The following ELAVL4 variants were observed in gnomAD, a reference collection of about 807,000 sequenced individuals.
ELAVL4 encodes ELAV like RNA binding protein 4, also known as ELAV-like protein 4.
Under a neutral mutation model 35.6 loss-of-function variants are expected in ELAVL4, and 1 was observed. The ratio of observed to expected loss-of-function variants is 0.03; its 90% CI spans 0.01 to 0.13. ELAVL4 has a LOEUF of 0.13. ELAVL4 is among the 10% of genes least tolerant of loss of function. The probability of loss-of-function intolerance (pLI) is 1.00; values close to 1 mark genes in which losing one functional copy is unlikely to be tolerated. For synonymous variants in ELAVL4, 156 were observed against 171.0 expected, an observed-to-expected ratio of 0.91 and a Z score of 0.69; for missense variants, 267 against 464.9, an observed-to-expected ratio of 0.57 and a Z score of 3.91.
chr1:50,104,160 CTT>C (rs1016511865), upstream of ELAVL4, among the ~76,000 whole-genome samples: 23 of 152,282 alleles, frequency 1.5e-4, no homozygotes, highest in Admixed American at 7.2e-4. Flanking sequence ...GTGGTTTTCT[CTT>C]CTCTCTCCCC....
intron 1 of ELAVL4, among the ~76,000 whole-genome samples, chr1:50,054,439 G>GT (rs1191335245): frequency 6.6e-6 from 1 of 152,028 alleles, no homozygotes; most frequent in Non-Finnish European, 1.5e-5. Context: ...TCCCTTTTCT[G>GT]TTTGATTTTT....
At chr1:50,106,201 G>C (rs1666291533), upstream of ELAVL4, 4 of 948,358 alleles carry the variant, frequency 4.2e-6, no homozygotes, top group Non-Finnish European at 6.5e-6. Context: ...CGCGGAGTAG[G>C]TAGTTATTAA....
chr1:50,094,067 A>ACAC (rs1466403933), intron 1 of ELAVL4, among the ~76,000 whole-genome samples: 4 of 152,200 alleles, frequency 2.6e-5, no homozygotes, highest in African/African-American at 9.6e-5. Flanking sequence ...TATTGTCTGA[A>ACAC]AGCACTTTGC....
chr1:50,173,368 T>C (rs1410356917), intron 2 of ELAVL4, among the ~76,000 whole-genome samples: 1 of 152,234 alleles, frequency 6.6e-6, no homozygotes, highest in African/African-American at 2.4e-5. Context: ...AAAAACCTGT[T>C]TAATTCAAAA....
intron 2 of ELAVL4, among the ~76,000 whole-genome samples, chr1:50,158,211 G>T (rs555111356): frequency 1.3e-5 from 2 of 152,290 alleles, no homozygotes; most frequent in South Asian, 4.1e-4. Flanking sequence ...TGAGATGTAG[G>T]TATTATTAGC....
intron 1 of ELAVL4, among the ~76,000 whole-genome samples, chr1:50,064,660 C>T (rs1029703139): frequency 2.0e-5 from 3 of 152,166 alleles, no homozygotes; most frequent in African/African-American, 7.2e-5. Context: ...GAATCATACA[C>T]CTATGGCAGT....
At chr1:50,102,921 C>T (rs1014260618), upstream of ELAVL4, among the ~76,000 whole-genome samples, 2 of 152,122 alleles carry the variant, frequency 1.3e-5, no homozygotes, top group African/African-American at 4.8e-5. Flanking sequence ...TGTGTATTTA[C>T]CTTTTTTTTT....
rs575134024 is a variant in ELAVL4 at position 50,169,004 on chromosome 1, A to G, written c.251-8085A>G. Among the ~76,000 whole-genome samples the G allele has an allele frequency of 5.5e-4, 83 of 150,550 alleles. 1 individual carries two copies. The highest frequency in any genetic ancestry group is 1.8e-3 in the African/African-American group (76 of 41,128). On this transcript the variant is annotated intron_variant, in intron 2 of 6. Transcript: ENST00000371824. ...TATATGTATATATATATATATAAAG[A>G]GGAGTTTATTAAGTGTTAACTTACA...
intron 3 of ELAVL4, among the ~76,000 whole-genome samples, chr1:50,181,803 C>A (rs61784195): frequency 0.038 from 5,743 of 152,244 alleles, 146 homozygotes; most frequent in African/African-American, 0.074. Context: ...CCTGCCTCAG[C>A]CTCTGGGGTA....
intron 2 of ELAVL4, among the ~76,000 whole-genome samples, chr1:50,173,931 T>G (rs1424042609): frequency 6.6e-6 from 1 of 152,190 alleles, no homozygotes; most frequent in Non-Finnish European, 1.5e-5. Context: ...CCTCAGGCCC[T>G]CCCAGCATAG....
intron 3 of ELAVL4, among the ~76,000 whole-genome samples, chr1:50,186,894 T>C (rs563817803): frequency 6.6e-6 from 1 of 152,308 alleles, no homozygotes; most frequent in South Asian, 2.1e-4. Context: ...TGGTGCTACA[T>C]AAGCAGATGC....
At chr1:50,167,172 T>C (rs1256329229) in intron 2 of ELAVL4, among the ~76,000 whole-genome samples, 2 of 152,194 alleles carry the variant, frequency 1.3e-5, no homozygotes, top group East Asian at 3.9e-4. Flanking sequence ...CAAAATATTG[T>C]CACCTAGTTG....
At chr1:50,184,320 G>A (rs1389055466) in intron 3 of ELAVL4, among the ~76,000 whole-genome samples, 7 of 150,822 alleles carry the variant, frequency 4.6e-5, no homozygotes, top group African/African-American at 1.7e-4. Context: ...CAGGTTTTCA[G>A]AAGTACATGG....
At chr1:50,170,134 A>C (rs1237060248) in intron 2 of ELAVL4, among the ~76,000 whole-genome samples, 1 of 152,236 alleles carries the variant, frequency 6.6e-6, no homozygotes, top group Non-Finnish European at 1.5e-5. Context: ...TAACATTCAC[A>C]TAGACCACAG....
chr1:50,158,434 T>C (rs1316215065), intron 2 of ELAVL4, among the ~76,000 whole-genome samples: 1 of 152,182 alleles, frequency 6.6e-6, no homozygotes, highest in Admixed American at 6.5e-5. Flanking sequence ...TCTGCATGTG[T>C]GTATGTGTGT....
At chr1:50,060,893 C>G (rs1663928618) in intron 1 of ELAVL4, among the ~76,000 whole-genome samples, 1 of 152,160 alleles carries the variant, frequency 6.6e-6, no homozygotes, top group East Asian at 1.9e-4. Flanking sequence ...GATTTACATC[C>G]CTCATTCAAG....
At chr1:50,148,147 A>G (rs1288308543) in intron 2 of ELAVL4, among the ~76,000 whole-genome samples, 1 of 152,176 alleles carries the variant, frequency 6.6e-6, no homozygotes, top group Non-Finnish European at 1.5e-5. Context: ...ATTTTCTTAG[A>G]TGAGGAAACT....
intron 3 of ELAVL4, chr1:50,180,429 T>C (rs1018123722): frequency 6.6e-6 from 1 of 152,218 alleles, no homozygotes; most frequent in Non-Finnish European, 1.5e-5. Context: ...ACTCAACCTG[T>C]ACTAGGAGGT....
intron 1 of ELAVL4, among the ~76,000 whole-genome samples, chr1:50,092,233 G>A (rs1406242909): frequency 1.3e-5 from 2 of 152,222 alleles, no homozygotes; most frequent in Admixed American, 6.5e-5. Context: ...CACAAAAAGA[G>A]CATGGTAAGT....
Sources: allele counts gnomAD v4.1 joint callset (sites outside exome capture counted in the v4.1 genomes callset), GRCh38; gene constraint gnomAD v4.1.1; transcripts MANE v1.5; gene names NCBI Gene and HGNC (gene_info 2026-07-23, HGNC 2026-07-21).